SCHIP1: variants seen among roughly 807,000 people sequenced by gnomAD.
SCHIP1 encodes the protein schwannomin-interacting protein 1.
A neutral mutation model predicts 29.7 loss-of-function variants in SCHIP1; 8 were observed. The ratio of observed to expected loss-of-function variants is 0.27; its 90% CI spans 0.16 to 0.49. The LOEUF (loss-of-function observed/expected upper bound fraction) is 0.49, where lower values mean the gene tolerates loss of function less well. Ranked by LOEUF, SCHIP1 falls within the 20% of genes least tolerant of loss-of-function variation. SCHIP1 has a pLI of 0.99. For synonymous variants in SCHIP1, 76 were observed against 94.9 expected (o/e 0.80, Z 1.16); for missense variants, 193 against 294.6 (o/e 0.66, Z 2.52).
chr3:159,498,476 C>A, the SCHIP1 span, among the ~76,000 whole-genome samples: 1 of 152,112 alleles, frequency 6.6e-6, no homozygotes, highest in Non-Finnish European at 1.5e-5. Context: ...AGGAATAGAA[C>A]TGGTAGTCTC....
At chr3:159,751,282 C>CA in the SCHIP1 span, among the ~76,000 whole-genome samples, 1 of 151,906 alleles carries the variant, frequency 6.6e-6, no homozygotes, top group African/African-American at 2.4e-5. Context: ...TTTAAAAAAA[C>CA]AAAAAAGAAT....
At chr3:159,776,332 C>CTTTTTTTTTTTTT in the SCHIP1 span, among the ~76,000 whole-genome samples, 1 of 135,424 alleles carries the variant, frequency 7.4e-6, no homozygotes, top group African/African-American at 2.9e-5. Flanking sequence ...AGTGTTCTGT[C>CTTTTTTTTTTTTT]TTTTTTTTTT....
At chr3:159,891,070 GA>G (rs1182104696) in intron 5 of SCHIP1, among the ~76,000 whole-genome samples, 1 of 152,030 alleles carries the variant, frequency 6.6e-6, no homozygotes, top group African/African-American at 2.4e-5. Flanking sequence ...CTGATTTCAG[GA>G]AGATTAGATA....
chr3:159,517,094 G>A, the SCHIP1 span, among the ~76,000 whole-genome samples: 14 of 152,180 alleles, frequency 9.2e-5, no homozygotes, highest in African/African-American at 2.9e-4. Flanking sequence ...CTGAAGGTGA[G>A]AAGACGTTCC....
the SCHIP1 span, among the ~76,000 whole-genome samples, chr3:159,392,277 G>T: frequency 1.3e-5 from 2 of 152,066 alleles, no homozygotes; most frequent in Non-Finnish European, 2.9e-5. Context: ...AAACATGGCT[G>T]AGATTTAAGA....
the SCHIP1 span, among the ~76,000 whole-genome samples, chr3:159,283,773 T>A: frequency 1.3e-5 from 2 of 152,192 alleles, no homozygotes; most frequent in Non-Finnish European, 2.9e-5. Flanking sequence ...TTTTCTCAAC[T>A]GCAAATAATA....
the SCHIP1 span, among the ~76,000 whole-genome samples, chr3:159,506,968 T>C: frequency 2.0e-5 from 3 of 152,222 alleles, no homozygotes; most frequent in East Asian, 1.9e-4. Flanking sequence ...TGGTTCCATA[T>C]GAACTTTAAA....
At chr3:159,548,400 C>T in the SCHIP1 span, among the ~76,000 whole-genome samples, 16 of 151,966 alleles carry the variant, frequency 1.1e-4, no homozygotes, top group South Asian at 3.3e-3. Flanking sequence ...ATAACATCAG[C>T]TCATTCTTTT....
chr3:159,699,192 ACATGT>A, the SCHIP1 span, among the ~76,000 whole-genome samples: 2 of 152,240 alleles, frequency 1.3e-5, no homozygotes, highest in Non-Finnish European at 2.9e-5. Flanking sequence ...GGCATTTACC[ACATGT>A]CAGTCATTGA....
At chr3:159,402,376 T>C in the SCHIP1 span, among the ~76,000 whole-genome samples, 1 of 152,214 alleles carries the variant, frequency 6.6e-6, no homozygotes, top group African/African-American at 2.4e-5. Flanking sequence ...GGTGTGGCGA[T>C]TCCTCAGAGA....
At chr3:159,277,648 G>A in the SCHIP1 span, among the ~76,000 whole-genome samples, 1 of 144,460 alleles carries the variant, frequency 6.9e-6, no homozygotes, top group Non-Finnish European at 1.6e-5. Context: ...ACAGGCTGGT[G>A]CAGTGGCTCA....
intron 2 of SCHIP1, among the ~76,000 whole-genome samples, chr3:159,880,683 C>T (rs1716348506): frequency 6.6e-6 from 1 of 152,208 alleles, no homozygotes; most frequent in Non-Finnish European, 1.5e-5. Flanking sequence ...CTACTCAGCA[C>T]CAGCCTATTG....
the SCHIP1 span, among the ~76,000 whole-genome samples, chr3:159,607,989 G>T: frequency 6.6e-6 from 1 of 152,160 alleles, no homozygotes; most frequent in Non-Finnish European, 1.5e-5. Context: ...AGAGGCAGTG[G>T]ACCCTGGGAG....
the SCHIP1 span, among the ~76,000 whole-genome samples, chr3:159,499,511 G>A: frequency 6.6e-6 from 1 of 152,132 alleles, no homozygotes; most frequent in East Asian, 1.9e-4. Flanking sequence ...TTGCCAAGTC[G>A]ACTGAGATGA....
At chr3:159,622,944 A>C in the SCHIP1 span, among the ~76,000 whole-genome samples, 2 of 152,174 alleles carry the variant, frequency 1.3e-5, no homozygotes, top group African/African-American at 4.8e-5. Context: ...AATAATTTAC[A>C]TGGAGGAAAC....
chr3:159,794,135 A>T, the SCHIP1 span, among the ~76,000 whole-genome samples: 1 of 152,128 alleles, frequency 6.6e-6, no homozygotes, highest in Non-Finnish European at 1.5e-5. Context: ...ATATGGGAGG[A>T]TGGGGGGTCA....
chr3:159,423,805 C>T, the SCHIP1 span, among the ~76,000 whole-genome samples: 3 of 152,050 alleles, frequency 2.0e-5, no homozygotes, highest in African/African-American at 7.2e-5. Flanking sequence ...CTGGGAGGCA[C>T]CCCCCAGTAG....
the SCHIP1 span, among the ~76,000 whole-genome samples, chr3:159,401,930 G>A: frequency 6.6e-6 from 1 of 152,110 alleles, no homozygotes; most frequent in Non-Finnish European, 1.5e-5. Flanking sequence ...AAGCCAAAAT[G>A]GGATCTAATT....
chr3:159,436,445 T>A, the SCHIP1 span, among the ~76,000 whole-genome samples: 5 of 152,162 alleles, frequency 3.3e-5, no homozygotes, highest in Non-Finnish European at 2.9e-5. Flanking sequence ...AGCAGAGAAT[T>A]TGTCTCCATA....
Sources: allele counts gnomAD v4.1 joint callset (sites outside exome capture counted in the v4.1 genomes callset), GRCh38; gene constraint gnomAD v4.1.1; transcripts MANE v1.5; gene names NCBI Gene and HGNC (gene_info 2026-07-23, HGNC 2026-07-21).